The following PCNX2 variants were observed in gnomAD, a reference collection of about 807,000 sequenced individuals.
The protein encoded by PCNX2 is pecanex 2.
PCNX2 carries 168 observed loss-of-function variants against 223.8 expected under a neutral mutation model. The ratio of observed to expected loss-of-function variants is 0.75; its 90% CI spans 0.66 to 0.85. The LOEUF (loss-of-function observed/expected upper bound fraction) is 0.85. Among genes scored for constraint, PCNX2 ranks in the 40% least tolerant of loss-of-function variants. The pLI, the probability that PCNX2 is intolerant of heterozygous loss-of-function variation, is 0.00. For missense variants in PCNX2, 2,507 were observed against 2,675.5 expected (o/e 0.94, Z 1.39); for synonymous variants, 1,006 against 1,052.6 (o/e 0.96, Z 0.86).
intron 12 of PCNX2, among the ~76,000 whole-genome samples, chr1:233,213,654 A>C (rs1010950554): frequency 9.2e-5 from 14 of 152,136 alleles, no homozygotes; most frequent in Non-Finnish European, 2.9e-5. Flanking sequence ...GCAACAGTTA[A>C]TTGAATAGAA....
intron 21 of PCNX2, among the ~76,000 whole-genome samples, chr1:233,113,811 T>C (rs1354467886): frequency 2.0e-5 from 3 of 152,262 alleles, no homozygotes; most frequent in Non-Finnish European, 4.4e-5. Context: ...AGTGGCTGCA[T>C]GGAACTTCTG....
At chr1:233,187,168 G>A (rs1441162809) in intron 15 of PCNX2, among the ~76,000 whole-genome samples, 5 of 152,192 alleles carry the variant, frequency 3.3e-5, no homozygotes, top group Non-Finnish European at 7.3e-5. Context: ...TAACATTCAC[G>A]ACCACACGTA....
At chr1:232,996,859 A>C (rs976262233) in intron 32 of PCNX2, among the ~76,000 whole-genome samples, 3 of 152,256 alleles carry the variant, frequency 2.0e-5, no homozygotes, top group African/African-American at 7.2e-5. Context: ...AATGCGGGAC[A>C]AAGATAGGAC....
chr1:233,129,903 A>T (rs114618546), intron 21 of PCNX2, among the ~76,000 whole-genome samples: 1,932 of 152,324 alleles, frequency 0.013, 41 homozygotes, highest in African/African-American at 0.043. Context: ...GCAATCTGCC[A>T]GGGTACTGAG....
intron 25 of PCNX2, among the ~76,000 whole-genome samples, chr1:233,050,188 G>C (rs1671951433): frequency 1.3e-5 from 2 of 152,042 alleles, no homozygotes; most frequent in African/African-American, 4.8e-5. Context: ...GTATATCTAT[G>C]TAACAAACCT....
At position 233,025,402 on chromosome 1, in the gene PCNX2, G is replaced by A. The variant is rs1261435413; in HGVS notation, c.4352-3C>T. On this transcript the variant is annotated splice_region_variant and splice_polypyrimidine_tract_variant and intron_variant, in intron 25 of 33. Transcript: ENST00000258229. ...CTCCCTCTGCTGGCAGTAGGTTCCTGGCCGAGCACAAACATGAAGGAAGTT... is the reference window on the plus strand; with the variant it reads ...CTCCCTCTGCTGGCAGTAGGTTCCTAGCCGAGCACAAACATGAAGGAAGTT... 1.2e-6 allele frequency: 2 copies of A among 1,613,342 alleles called. No individual in the cohort carries two copies. Among genetic ancestry groups the A allele is most frequent in the South Asian group, 2.2e-5 (2 of 91,074 alleles).
intron 23 of PCNX2, among the ~76,000 whole-genome samples, chr1:233,083,861 A>G (rs1323548065): frequency 1.3e-5 from 2 of 152,144 alleles, no homozygotes; most frequent in Non-Finnish European, 2.9e-5. Flanking sequence ...ATGATGTGTC[A>G]TTTCCCCTGT....
chr1:233,307,737 A>C, the PCNX2 span, among the ~76,000 whole-genome samples: 2 of 152,220 alleles, frequency 1.3e-5, no homozygotes, highest in African/African-American at 4.8e-5. Flanking sequence ...GGAAGGTGCT[A>C]TAATCATTCC....
chr1:233,057,340 C>A (rs1672230812), intron 23 of PCNX2, 50 bp from the exon 24 acceptor site: 1 of 1,448,030 alleles, frequency 6.9e-7, no homozygotes, highest in African/African-American at 1.4e-5. Flanking sequence ...TCCCCCCAAG[C>A]AGAAGAGTTG....
Position 232,999,224 on chromosome 1 carries a change from G to A in PCNX2, c.5484C>T (p.Pro1828=), listed in dbSNP as rs1669982489. ...NSSCDQPLGY[P]MYVSPLTTSY... ...ATGTGGTTAGTGGGGAGACATACAT[G>A]GGGTACCCCAGGGGCTGATCGCAGG... Residue 1828 remains proline, a synonymous_variant, in exon 31 of 34, where the codon CCC becomes CCT. Coordinates refer to ENST00000258229, the MANE Select transcript of PCNX2 (RefSeq NM_014801.4). The A allele has an allele frequency of 1.2e-6, 2 of 1,613,768 alleles. No homozygotes were observed. The highest frequency in any genetic ancestry group is 1.1e-5 in the South Asian group (1 of 91,056).
intron 21 of PCNX2, among the ~76,000 whole-genome samples, chr1:233,122,239 A>C (rs1201230460): frequency 1.3e-5 from 2 of 152,198 alleles, no homozygotes; most frequent in Non-Finnish European, 2.9e-5. Flanking sequence ...TTATAACCTA[A>C]GTATAAAATA....
chr1:233,279,800 T>G (rs1318415878), intron 1 of PCNX2, among the ~76,000 whole-genome samples: 1 of 152,196 alleles, frequency 6.6e-6, no homozygotes, highest in Non-Finnish European at 1.5e-5. Context: ...TGTGGCTCTT[T>G]TGCCTTTATG....
chr1:233,067,872 A>C (rs934107274), intron 23 of PCNX2, among the ~76,000 whole-genome samples: 1 of 152,202 alleles, frequency 6.6e-6, no homozygotes, highest in Admixed American at 6.5e-5. Context: ...GCTGTCTGCA[A>C]TCTGAACAAC....
At chr1:233,277,782 C>T (rs929976868) in intron 1 of PCNX2, among the ~76,000 whole-genome samples, 3 of 151,830 alleles carry the variant, frequency 2.0e-5, no homozygotes, top group South Asian at 2.1e-4. Context: ...ATGCAACAGG[C>T]GAAGTCAACA....
chr1:233,149,570 T>C (rs894769291), intron 19 of PCNX2, among the ~76,000 whole-genome samples: 29 of 152,348 alleles, frequency 1.9e-4, no homozygotes, highest in African/African-American at 7.0e-4. Flanking sequence ...CCCCTTATTA[T>C]AGACAATTGC....
chr1:233,324,693 C>T, the PCNX2 span, among the ~76,000 whole-genome samples: 9 of 151,470 alleles, frequency 5.9e-5, no homozygotes, highest in Non-Finnish European at 1.2e-4. Context: ...CTCCACCTCC[C>T]GGGTTCAAGT....
At chr1:233,199,471 G>A (rs1032485499) in intron 14 of PCNX2, among the ~76,000 whole-genome samples, 1 of 152,012 alleles carries the variant, frequency 6.6e-6, no homozygotes, top group Non-Finnish European at 1.5e-5. Context: ...GTGTGTGTAC[G>A]TGTATGTGTT....
At chr1:233,204,627 A>G (rs1210074415) in intron 13 of PCNX2, among the ~76,000 whole-genome samples, 1 of 152,262 alleles carries the variant, frequency 6.6e-6, no homozygotes, top group Non-Finnish European at 1.5e-5. Flanking sequence ...ACGTAAAGTC[A>G]GAAAAGTAGT....
Position 233,000,340 on chromosome 1 carries a change from G to A in PCNX2, c.5293C>T (p.Leu1765Phe), listed in dbSNP as rs1670037962. 1.2e-6 allele frequency: 2 copies of A among 1,614,016 alleles called. No individual in the cohort carries two copies. Residue 1765 changes from leucine (L) to phenylalanine (F), a missense_variant, in exon 30 of 34, where the codon CTC (leucine) becomes TTC (phenylalanine). By Grantham distance (22) the Leu-to-Phe change is conservative (BLOSUM62 0). Transcript: ENST00000258229. This position sits in a 1 kb window ranked among gnomAD's most constrained non-coding sequence, Gnocchi z 4.6. ...TTGAAGCTCAGGAAGCTTCTGTGGA[G>A]CATGATGACCTTGTACTCGTCGGCA... ...EGADEYKVIM[L>F]HRSFLSFKVI...
Sources: gnomAD v4.1 joint callset for allele counts (sites outside exome capture counted in the v4.1 genomes callset) on GRCh38, gnomAD v4.1.1 for gene constraint, Gnocchi (gnomAD v3.1) non-coding constraint, MANE v1.5 for transcripts, NCBI Gene and HGNC (gene_info 2026-07-23, HGNC 2026-07-21) for gene names.